The following MASP1 variants were observed in gnomAD, a reference collection of about 807,000 sequenced individuals.
MASP1 encodes the protein mannan-binding lectin serine protease 1.
In MASP1, 59 loss-of-function variants were observed where a neutral mutation model predicts 77.1. The observed-to-expected ratio is 0.77, with a 90% confidence interval of 0.62 to 0.95. The LOEUF (loss-of-function observed/expected upper bound fraction) is 0.95. MASP1 is among the 40% of genes least tolerant of loss of function. The probability of loss-of-function intolerance (pLI) is 0.00; values close to 1 mark genes in which losing one functional copy is unlikely to be tolerated. For synonymous variants in MASP1, 362 were observed against 354.5 expected, an observed-to-expected ratio of 1.02 and a Z score of -0.24; for missense variants, 885 against 912.9, an observed-to-expected ratio of 0.97 and a Z score of 0.39.
downstream of MASP1, among the ~76,000 whole-genome samples, chr3:187,229,597 A>G (rs1247900145): frequency 6.6e-6 from 1 of 152,172 alleles, no homozygotes; most frequent in Non-Finnish European, 1.5e-5. Context: ...TCCCGGTGCC[A>G]GAGACAGACC....
Position 187,291,725 on chromosome 3 carries a change from T to G in MASP1, c.-93A>C. ...TGCCCGGTGTGGTGTCCGTGATGCCTTATCTTTGTTCTGAGGTCCCTGTGT... is the reference window on the plus strand; with the variant it reads ...TGCCCGGTGTGGTGTCCGTGATGCCGTATCTTTGTTCTGAGGTCCCTGTGT... On this transcript the variant is annotated 5_prime_UTR_variant, in exon 1 of 11. Coordinates refer to ENST00000296280, the MANE Select transcript of MASP1 (RefSeq NM_139125.4). 6.7e-7 allele frequency: 1 copy of G among 1,485,260 alleles called. No individual in the cohort carries two copies. The highest frequency in any genetic ancestry group is 9.4e-7 in the Non-Finnish European group (1 of 1,062,734). 92.0% of individuals were successfully genotyped at this position (1,485,260 alleles called of 1,614,324 possible). A position where few individuals can be genotyped will look rare whatever the true frequency, so the allele number is the denominator to read the frequency against.
chr3:187,221,773 CA>C (rs1183084842), intron 14 of MASP1, among the ~76,000 whole-genome samples: 3 of 152,168 alleles, frequency 2.0e-5, no homozygotes, highest in African/African-American at 7.2e-5. Context: ...GTATTTTATG[CA>C]TTTCTATCTT....
downstream of MASP1, among the ~76,000 whole-genome samples, chr3:187,231,235 T>C (rs1474620633): frequency 6.6e-6 from 1 of 152,266 alleles, no homozygotes; most frequent in Non-Finnish European, 1.5e-5. Context: ...TTTTGAACTC[T>C]TGGAGACCTG....
intron 11 of MASP1, among the ~76,000 whole-genome samples, chr3:187,228,508 T>C (rs1386101792): frequency 6.6e-6 from 1 of 152,058 alleles, no homozygotes; most frequent in East Asian, 1.9e-4. Flanking sequence ...CTCTCCTGGG[T>C]ATCTTGTGCC....
At chr3:187,227,050 A>G (rs548104475) in intron 11 of MASP1, among the ~76,000 whole-genome samples, 1 of 152,348 alleles carries the variant, frequency 6.6e-6, no homozygotes, top group East Asian at 1.9e-4. Context: ...GAAGCTACCT[A>G]CACTGGCTGC....
chr3:187,273,873 G>T (rs1716732435), intron 2 of MASP1, among the ~76,000 whole-genome samples: 1 of 152,190 alleles, frequency 6.6e-6, no homozygotes, highest in Admixed American at 6.5e-5. Flanking sequence ...TCTGGAGGTT[G>T]ATGCTCCAGT....
At chr3:187,287,522 A>G (rs1717962155) in intron 1 of MASP1, among the ~76,000 whole-genome samples, 1 of 152,216 alleles carries the variant, frequency 6.6e-6, no homozygotes, top group South Asian at 2.1e-4. Flanking sequence ...TTAAGTCCCA[A>G]TTCTTTCACT....
Position 187,291,640 on chromosome 3 carries a change from C to T in MASP1, c.-8G>A. ...CCCTGGCACGTACCTCATTTTCCTG[C>T]CTTGGGTGCTCCCGGCTGCCCGGCC... On this transcript the variant is annotated 5_prime_UTR_variant, in exon 1 of 11. Coordinates refer to ENST00000296280, the MANE Select transcript of MASP1 (RefSeq NM_139125.4). The T allele has an allele frequency of 6.2e-7, 1 of 1,614,242 alleles. No individual in the cohort carries two copies. Among genetic ancestry groups the T allele is most frequent in the Non-Finnish European group, 8.5e-7 (1 of 1,180,030 alleles).
intron 2 of MASP1, among the ~76,000 whole-genome samples, chr3:187,263,606 T>C (rs1351889577): frequency 1.3e-5 from 2 of 152,314 alleles, no homozygotes; most frequent in Middle Eastern, 3.4e-3. Flanking sequence ...TGAAAACTAA[T>C]GTTTAATAGG....
chr3:187,223,978 A>G (rs139023936), intron 13 of MASP1, among the ~76,000 whole-genome samples: 1 of 152,328 alleles, frequency 6.6e-6, no homozygotes, highest in Non-Finnish European at 1.5e-5. Context: ...TAAATAAGTT[A>G]ATGAACATAA....
intron 9 of MASP1, 56 bp downstream of exon 9, chr3:187,243,428 C>G: frequency 6.2e-7 from 1 of 1,604,710 alleles, no homozygotes. Flanking sequence ...CCAGTCCAAC[C>G]CTGAGGCCCC....
At chr3:187,256,610 A>T (rs1310686197) in intron 5 of MASP1, 54 bp downstream of exon 5, 1 of 1,583,636 alleles carries the variant, frequency 6.3e-7, no homozygotes, top group Non-Finnish European at 8.7e-7. Flanking sequence ...CAATTTTCCC[A>T]ACTCAGCCAA....
chr3:187,238,434 T>C (rs554274356), intron 10 of MASP1, among the ~76,000 whole-genome samples: 5 of 152,378 alleles, frequency 3.3e-5, no homozygotes, highest in African/African-American at 9.6e-5. Flanking sequence ...GGCTGAATGA[T>C]TCAACAAGCT....
At chr3:187,260,616 G>A (rs1276622936) in intron 4 of MASP1, 125 bp downstream of exon 4, 2 of 1,302,176 alleles carry the variant, frequency 1.5e-6, no homozygotes, top group South Asian at 1.2e-5. Context: ...TGTGGTGTCT[G>A]AGGTGCATCA....
At position 187,285,990 on chromosome 3, in the gene MASP1, T is replaced by C; in HGVS notation, c.72A>G (p.Leu24=). The C allele has an allele frequency of 6.2e-7, 1 of 1,614,222 alleles. No homozygotes were observed. Among genetic ancestry groups the C allele is most frequent in the East Asian group, 2.2e-5 (1 of 44,886 alleles). ...ACTGGATCTGGCCAAACATATTGTT[T>C]AGCTCCACGGTGTGGGCTGAAGCCT... is the stretch of plus-strand genomic sequence containing the variant. ...LSKASAHTVE[L]NNMFGQIQSP... is the part of the protein sequence containing the mutation. The change falls in exon 2 of 11, where the codon CTA becomes CTG. Residue 24 remains leucine, a synonymous_variant. Coordinates refer to ENST00000296280, the MANE Select transcript of MASP1 (RefSeq NM_139125.4).
intron 4 of MASP1, among the ~76,000 whole-genome samples, chr3:187,260,083 T>A (rs960822669): frequency 6.6e-6 from 1 of 152,186 alleles, no homozygotes; most frequent in Admixed American, 6.5e-5. Flanking sequence ...GAAACATTAA[T>A]GTTAAAATGG....
intron 2 of MASP1, among the ~76,000 whole-genome samples, chr3:187,269,494 G>C (rs1178753862): frequency 6.6e-6 from 1 of 152,124 alleles, no homozygotes; most frequent in Non-Finnish European, 1.5e-5. Flanking sequence ...TTACAGAAAG[G>C]AAAGAATGTC....
chr3:187,220,397 T>C, intron 15 of MASP1: 2 of 719,558 alleles, frequency 2.8e-6, no homozygotes, highest in South Asian at 1.8e-5. Flanking sequence ...ACCTCAGCTC[T>C]GGGCAGTTCT....
rs698092 is a variant in MASP1, at chr3:187,251,846, A to G, written c.893-94T>C. ...AGAAAGCAAGGCCTGATGAAGGTGAATAAAACATGGAACTGGGTATTGGAG... is the reference window on the plus strand; with the variant it reads ...AGAAAGCAAGGCCTGATGAAGGTGAGTAAAACATGGAACTGGGTATTGGAG... On this transcript the variant is annotated intron_variant, in intron 6 of 10. Transcript: ENST00000296280. The G allele has an allele frequency of 0.4, 375,171 of 933,666 alleles. 77,070 individuals are homozygous for G. Among genetic ancestry groups the G allele is most frequent in the Admixed American group, 0.53 (30,232 of 56,976 alleles). 57.8% of individuals were successfully genotyped at this position (933,666 alleles called of 1,614,324 possible). A position where few individuals can be genotyped will look rare whatever the true frequency, so the allele number is the denominator to read the frequency against.
Sources: allele counts gnomAD v4.1 joint callset (sites outside exome capture counted in the v4.1 genomes callset), GRCh38; gene constraint gnomAD v4.1.1; transcripts MANE v1.5; gene names NCBI Gene and HGNC (gene_info 2026-07-23, HGNC 2026-07-21).